The following JAM3 variants were observed in gnomAD, a reference collection of about 807,000 sequenced individuals.
JAM3 encodes the protein junctional adhesion molecule 3, also known as junctional adhesion molecule C.
Under a neutral mutation model 39.4 loss-of-function variants are expected in JAM3, and 31 were observed. That is an observed-to-expected ratio of 0.79 (90% CI 0.59 to 1.06). JAM3 has a LOEUF of 1.06. Ranked by LOEUF, JAM3 falls within the 50% of genes least tolerant of loss-of-function variation. The probability of loss-of-function intolerance (pLI) is 0.00; values close to 1 mark genes in which losing one functional copy is unlikely to be tolerated. For synonymous variants in JAM3, 182 were observed against 148.7 expected (o/e 1.22, Z -1.63); for missense variants, 455 against 391.4 (o/e 1.16, Z -1.37).
chr11:134,125,911 T>G (rs1298382352), intron 1 of JAM3, among the ~76,000 whole-genome samples: 1 of 152,212 alleles, frequency 6.6e-6, no homozygotes, highest in Non-Finnish European at 1.5e-5. Flanking sequence ...CATTTTCCTC[T>G]TCAGCAGAAT....
intron 1 of JAM3, among the ~76,000 whole-genome samples, chr11:134,112,137 A>T (rs530453514): frequency 6.6e-6 from 1 of 152,268 alleles, no homozygotes; most frequent in Non-Finnish European, 1.5e-5. Context: ...CCCAGTATGG[A>T]GTGTGGTTGC....
chr11:134,098,490 G>T (rs1191945532), intron 1 of JAM3, among the ~76,000 whole-genome samples: 1 of 152,134 alleles, frequency 6.6e-6, no homozygotes, highest in African/African-American at 2.4e-5. Context: ...TTCTACCTGT[G>T]CCAGGTAGAA....
In JAM3 at chr11:134,144,363, G is replaced by A. The variant is rs1384332842; in HGVS notation, c.379G>A (p.Asp127Asn). ...TGCTCGAAATGACCGCAAGGAAATTGATGAGATTGTGATCGAGTTAACTGT... is the reference window on the plus strand; with the variant it reads ...TGCTCGAAATGACCGCAAGGAAATTAATGAGATTGTGATCGAGTTAACTGT... ...VVARNDRKEI[D>N]EIVIELTVQV... is the part of the protein sequence containing the mutation. Residue 127 changes from aspartate to asparagine, a missense_variant, in exon 4 of 9, where the codon GAT (aspartate) becomes AAT (asparagine). Transcript: ENST00000299106. 8 of 1,614,124 alleles carry A rather than the reference G, an allele frequency of 5.0e-6. No individual in the cohort carries two copies. The Admixed American group carries it at 1.3e-4, about 27-fold the overall frequency.
Position 134,148,797 on chromosome 11 carries a change from C to T in JAM3, c.876C>T (p.Asn292=). 1.2e-6 allele frequency: 2 copies of T among 1,614,160 alleles called. No homozygotes were observed. Among genetic ancestry groups the T allele is most frequent in the Non-Finnish European group, 1.7e-6 (2 of 1,180,012 alleles). ...YKNPGKPDGV[N]YIRTDEEGDF... ...ACCCAGGGAAACCAGATGGAGTTAA[C>T]TACATCCGCACTGACGAGGAGGTAA... The change falls in exon 8 of 9, where the codon AAC becomes AAT. Residue 292 remains asparagine (N), a synonymous_variant. Coordinates refer to ENST00000299106, the MANE Select transcript of JAM3 (RefSeq NM_032801.5).
chr11:134,107,572 A>T (rs1942219790), intron 1 of JAM3, among the ~76,000 whole-genome samples: 1 of 152,196 alleles, frequency 6.6e-6, no homozygotes, highest in African/African-American at 2.4e-5. Context: ...CTAAAGCAGT[A>T]ACTAGGGTGA....
At chr11:134,098,480 T>A (rs1253644056) in intron 1 of JAM3, among the ~76,000 whole-genome samples, 1 of 152,198 alleles carries the variant, frequency 6.6e-6, no homozygotes, top group African/African-American at 2.4e-5. Context: ...GCAAGACTAT[T>A]TCTACCTGTG....
intron 1 of JAM3, among the ~76,000 whole-genome samples, chr11:134,101,211 T>G (rs965753876): frequency 1.3e-5 from 2 of 152,240 alleles, no homozygotes; most frequent in African/African-American, 4.8e-5. Flanking sequence ...TATTGCTTAA[T>G]TGTAATGGCA....
At chr11:134,089,190 T>A (rs1941798559) in intron 1 of JAM3, among the ~76,000 whole-genome samples, 3 of 152,216 alleles carry the variant, frequency 2.0e-5, no homozygotes, top group Admixed American at 2.0e-4. Context: ...CTTTATATAC[T>A]TTCCAGTTCG....
At chr11:134,113,196 C>T (rs906237584) in intron 1 of JAM3, among the ~76,000 whole-genome samples, 2 of 123,690 alleles carry the variant, frequency 1.6e-5, no homozygotes, top group Non-Finnish European at 1.7e-5. Flanking sequence ...ACTGGACTGT[C>T]TGGTTTTTTT....
At chr11:134,116,207 G>A (rs1490658350) in intron 1 of JAM3, among the ~76,000 whole-genome samples, 11 of 152,056 alleles carry the variant, frequency 7.2e-5, no homozygotes, top group Non-Finnish European at 8.8e-5. Context: ...TAAATATTTC[G>A]GTGGATAAGA....
At chr11:134,114,662 C>A (rs986774170) in intron 1 of JAM3, among the ~76,000 whole-genome samples, 2 of 152,108 alleles carry the variant, frequency 1.3e-5, no homozygotes, top group African/African-American at 4.8e-5. Context: ...TTTTCAGATG[C>A]CTTTCTGTAC....
intron 1 of JAM3, among the ~76,000 whole-genome samples, chr11:134,121,681 A>G (rs1942535017): frequency 2.0e-5 from 3 of 152,218 alleles, no homozygotes; most frequent in Admixed American, 1.3e-4. Context: ...AACAATTAAC[A>G]TTAGTCTTTA....
Position 134,118,164 on chromosome 11 carries a change from A to G in JAM3, c.77-21687A>G, listed in dbSNP as rs528619880. On this transcript the variant is annotated intron_variant, in intron 1 of 8. Coordinates refer to ENST00000299106, the MANE Select transcript of JAM3 (RefSeq NM_032801.5). The stretch of plus-strand genomic sequence containing the variant: ...TTACTGAACAAGAATATGCCTTGAC[A>G]CATGTTCTGTGTTTAGTCATACACA... Among the ~76,000 whole-genome samples, 85 of 152,326 alleles carry G rather than the reference A, an allele frequency of 5.6e-4. 1 individual carries two copies. The highest frequency in any genetic ancestry group is 2.7e-3 in the South Asian group (13 of 4,830).
chr11:134,104,781 T>TA (rs1322662263), intron 1 of JAM3, among the ~76,000 whole-genome samples: 1 of 152,050 alleles, frequency 6.6e-6, no homozygotes, highest in African/African-American at 2.4e-5. Flanking sequence ...CCTGGACACA[T>TA]ACACCCTCCC....
At chr11:134,141,005 G>C (rs535143392) in intron 3 of JAM3, among the ~76,000 whole-genome samples, 2 of 152,140 alleles carry the variant, frequency 1.3e-5, no homozygotes, top group South Asian at 2.1e-4. Flanking sequence ...CAGTTCATTA[G>C]CTAGGATCTT....
At chr11:134,148,103 A>C (rs1216033083) in intron 6 of JAM3, 7 of 225,206 alleles carry the variant, frequency 3.1e-5, no homozygotes, top group Non-Finnish European at 6.2e-5. Context: ...TTTTTGAGAC[A>C]GATTCTTTAA....
chr11:134,145,955 G>A lies in JAM3; in HGVS notation c.622G>A (p.Ala208Thr), dbSNP rs1332896851. The change falls in exon 6 of 9, where the codon GCT (alanine) becomes ACT (threonine). Residue 208 changes from alanine to threonine, a missense_variant. Coordinates refer to ENST00000299106, the MANE Select transcript of JAM3 (RefSeq NM_032801.5). ...TCATTCCCTGAAACAGGTGTTCACT[G>A]CTGTTCACAAGGACGACTCTGGGCA... ...NSETGTLVFT[A>T]VHKDDSGQYY... The A allele has an allele frequency of 1.5e-5, 24 of 1,611,866 alleles. No homozygotes were observed. The highest frequency in any genetic ancestry group is 2.7e-5 in the African/African-American group (2 of 74,876).
chr11:134,084,849 C>A (rs1941723386), intron 1 of JAM3, among the ~76,000 whole-genome samples: 1 of 152,228 alleles, frequency 6.6e-6, no homozygotes, highest in Non-Finnish European at 1.5e-5. Flanking sequence ...TTCTTCCACT[C>A]TTCTTCCCTC....
rs566041083 is a variant in JAM3 at position 134,106,856 on chromosome 11, A to G, written c.77-32995A>G. 3.7e-4 allele frequency among the ~76,000 whole-genome samples: 56 copies of G among 152,316 alleles called. 1 individual carries two copies. The highest frequency in any genetic ancestry group is 1.1e-3 in the African/African-American group (45 of 41,560). ...AACAGGTGCTGGAGAGGATGTGGAGAAACAGGAACACTTTTACACTGTTGG... is the reference window on the plus strand; with the variant it reads ...AACAGGTGCTGGAGAGGATGTGGAGGAACAGGAACACTTTTACACTGTTGG... On this transcript the variant is annotated intron_variant, in intron 1 of 8. Coordinates refer to ENST00000299106, the MANE Select transcript of JAM3 (RefSeq NM_032801.5).
Sources: allele counts gnomAD v4.1 joint callset (sites outside exome capture counted in the v4.1 genomes callset), GRCh38; gene constraint gnomAD v4.1.1; transcripts MANE v1.5; gene names NCBI Gene and HGNC (gene_info 2026-07-23, HGNC 2026-07-21).